CDH2: variants seen among roughly 807,000 people sequenced by gnomAD.
CDH2 encodes the protein cadherin 2.
In CDH2, 17 loss-of-function variants were observed where a neutral mutation model predicts 92.0. The observed-to-expected ratio is 0.18, with a 90% CI of 0.13 to 0.28. The LOEUF (loss-of-function observed/expected upper bound fraction) is 0.28, where lower values mean the gene tolerates loss of function less well. CDH2 is among the 10% of genes least tolerant of loss of function. The pLI is 1.00. For synonymous variants in CDH2, 419 were observed against 415.9 expected (o/e 1.01, Z -0.09); for missense variants, 862 against 1,133.1 (o/e 0.76, Z 3.44).
At chr18:28,112,371 C>T (rs895500984) in intron 2 of CDH2, among the ~76,000 whole-genome samples, 15 of 152,138 alleles carry the variant, frequency 9.9e-5, no homozygotes, top group Admixed American at 3.3e-4. Context: ...ACACCATGAT[C>T]TGAATGAGTG....
intron 2 of CDH2, among the ~76,000 whole-genome samples, chr18:28,119,211 T>A (rs1465927417): frequency 1.3e-5 from 2 of 152,132 alleles, no homozygotes; most frequent in East Asian, 3.9e-4. Flanking sequence ...GTACAGCCAC[T>A]ACTGTCAGGA....
chr18:28,053,638 G>A (rs2014235712), intron 2 of CDH2, among the ~76,000 whole-genome samples: 1 of 152,194 alleles, frequency 6.6e-6, no homozygotes, highest in Non-Finnish European at 1.5e-5. Flanking sequence ...TTTTCTTTCT[G>A]TAAATACTGT....
intron 2 of CDH2, among the ~76,000 whole-genome samples, chr18:28,041,979 C>T (rs998383909): frequency 6.6e-6 from 1 of 151,850 alleles, no homozygotes. Flanking sequence ...TTACTATGCC[C>T]ACTGTAGACA....
intron 2 of CDH2, among the ~76,000 whole-genome samples, chr18:28,138,253 A>G (rs1480581340): frequency 6.6e-6 from 1 of 152,138 alleles, no homozygotes; most frequent in Admixed American, 6.6e-5. Flanking sequence ...CAAAAGGTCT[A>G]ACATTTATGT....
At chr18:28,108,036 C>A (rs1234437255) in intron 2 of CDH2, among the ~76,000 whole-genome samples, 1 of 152,102 alleles carries the variant, frequency 6.6e-6, no homozygotes, top group Admixed American at 6.6e-5. Context: ...AATTATCTGG[C>A]GAACAGTTTC....
chr18:28,061,267 A>G (rs1042601609), intron 2 of CDH2, among the ~76,000 whole-genome samples: 10 of 152,222 alleles, frequency 6.6e-5, no homozygotes, highest in Admixed American at 1.3e-4. Flanking sequence ...TCCACAGTCA[A>G]GTCCACAAAA....
intron 14 of CDH2, among the ~76,000 whole-genome samples, chr18:27,968,541 A>C (rs1360295836): frequency 1.3e-5 from 2 of 152,188 alleles, no homozygotes; most frequent in Non-Finnish European, 2.9e-5. Context: ...TTTAGGCAGG[A>C]AGGAATCCTC....
chr18:27,967,282 C>T (rs143272409), intron 14 of CDH2, among the ~76,000 whole-genome samples: 11 of 152,248 alleles, frequency 7.2e-5, no homozygotes, highest in African/African-American at 1.4e-4. Context: ...CTTCTGTTGA[C>T]GTCTATCTGT....
At chr18:28,170,265 C>T (rs1044072608) in intron 1 of CDH2, among the ~76,000 whole-genome samples, 6 of 152,164 alleles carry the variant, frequency 3.9e-5, no homozygotes, top group African/African-American at 1.4e-4. Context: ...TCAGTTATAG[C>T]TTATATTGTG....
chr18:28,042,154 T>C (rs1409457599), intron 2 of CDH2, among the ~76,000 whole-genome samples: 2 of 152,186 alleles, frequency 1.3e-5, no homozygotes, highest in Non-Finnish European at 2.9e-5. Flanking sequence ...TTAATTTTAA[T>C]ATAAATGTAA....
At chr18:28,045,506 T>C (rs974429033) in intron 2 of CDH2, 3 of 452,740 alleles carry the variant, frequency 6.6e-6, no homozygotes, top group East Asian at 1.4e-4. Context: ...ATTTCCATTG[T>C]ATTCAATTGC....
chr18:27,963,061 T>G (rs2011449122), intron 15 of CDH2, among the ~76,000 whole-genome samples: 1 of 152,132 alleles, frequency 6.6e-6, no homozygotes, highest in Non-Finnish European at 1.5e-5. Context: ...ATTTATTACT[T>G]GTAATCTAGG....
At chr18:27,955,986 A>T (rs1474760756) in intron 15 of CDH2, among the ~76,000 whole-genome samples, 1 of 152,120 alleles carries the variant, frequency 6.6e-6, no homozygotes, top group Non-Finnish European at 1.5e-5. Flanking sequence ...AGAATAAAAT[A>T]TGACTCTTCT....
rs766194609 is a variant in CDH2 at position 28,013,679 on chromosome 18, A to G, written c.399+4T>C. 1 of 1,602,528 alleles carries G rather than the reference A, an allele frequency of 6.2e-7. No individual in the cohort carries two copies. The highest frequency in any genetic ancestry group is 8.6e-7 in the Non-Finnish European group (1 of 1,169,442). On this transcript the variant is annotated splice_donor_region_variant and intron_variant, in intron 3 of 15. Transcript: ENST00000269141. ...AGCCCTAAAGCCATATTCGGATACTATACCTTCACTGACTCCTCAGTTAAG... is the reference window on the plus strand; with the variant it reads ...AGCCCTAAAGCCATATTCGGATACTGTACCTTCACTGACTCCTCAGTTAAG...
intron 2 of CDH2, among the ~76,000 whole-genome samples, chr18:28,108,199 T>C (rs1461856401): frequency 6.6e-6 from 1 of 152,200 alleles, no homozygotes; most frequent in Non-Finnish European, 1.5e-5. Flanking sequence ...CCTGGGAAGA[T>C]AAATGGCCTC....
intron 14 of CDH2, among the ~76,000 whole-genome samples, chr18:27,980,936 TA>T (rs2012030042): frequency 1.3e-5 from 2 of 152,114 alleles, no homozygotes; most frequent in African/African-American, 4.8e-5. Flanking sequence ...AGCATCAATC[TA>T]AGTGGATAAA....
chr18:28,029,154 T>C (rs894925844), intron 2 of CDH2, among the ~76,000 whole-genome samples: 2 of 152,076 alleles, frequency 1.3e-5, no homozygotes, highest in African/African-American at 4.8e-5. Flanking sequence ...TCTAAAGGGA[T>C]AGGTAGTATT....
chr18:27,963,386 G>C lies in CDH2; in HGVS notation c.2485C>G (p.Pro829Ala). ...TTAATGAAGTCCCCAATGTCTCCAG[G>C]GTGTGGGGCTGCAGATCGGACCGGA... ...QYPVRSAAPH[P>A]GDIGDFINEG... is the part of the protein sequence containing the mutation. The change falls in exon 15 of 16, where the codon CCT becomes GCT. Residue 829 changes from proline to alanine, a missense_variant. Coordinates refer to ENST00000269141, the MANE Select transcript of CDH2 (RefSeq NM_001792.5). The C allele has an allele frequency of 1.9e-6, 3 of 1,614,026 alleles. No homozygotes were observed. Among genetic ancestry groups the C allele is most frequent in the Non-Finnish European group, 2.5e-6 (3 of 1,179,994 alleles).
chr18:28,055,588 A>G (rs923884814), intron 2 of CDH2, among the ~76,000 whole-genome samples: 3 of 152,168 alleles, frequency 2.0e-5, no homozygotes, highest in Non-Finnish European at 4.4e-5. Context: ...ATATCTATAT[A>G]TGTCTGTATG....
Sources: gnomAD v4.1 joint callset for allele counts (sites outside exome capture counted in the v4.1 genomes callset) on GRCh38, gnomAD v4.1.1 for gene constraint, MANE v1.5 for transcripts, NCBI Gene and HGNC (gene_info 2026-07-23, HGNC 2026-07-21) for gene names.